Variants in ADAMTSL3 observed in about 807,000 individuals in gnomAD.
ADAMTSL3 encodes the protein ADAMTS-like protein 3.
A neutral mutation model predicts 201.7 loss-of-function variants in ADAMTSL3; 128 were observed. The observed-to-expected ratio is 0.63, with a 90% CI of 0.55 to 0.73. The LOEUF is 0.73. Ranked by LOEUF, ADAMTSL3 falls within the 30% of genes least tolerant of loss-of-function variation. ADAMTSL3 has a pLI of 0.00. For missense variants in ADAMTSL3, 1,990 were observed against 2,119.6 expected, an observed-to-expected ratio of 0.94 and a Z score of 1.20; for synonymous variants, 738 against 748.4, an observed-to-expected ratio of 0.99 and a Z score of 0.23.
At chr15:83,908,230 C>A (rs1456889003) in intron 15 of ADAMTSL3, among the ~76,000 whole-genome samples, 1 of 152,208 alleles carries the variant, frequency 6.6e-6, no homozygotes, top group Non-Finnish European at 1.5e-5. Flanking sequence ...ATAATGCTAG[C>A]AGCTGTTGTA....
chr15:84,029,830 T>C (rs775665236), intron 27 of ADAMTSL3, among the ~76,000 whole-genome samples: 30 of 152,228 alleles, frequency 2.0e-4, no homozygotes, highest in Non-Finnish European at 3.8e-4. Flanking sequence ...AGGAACTTGC[T>C]GCTTTGTGCA....
At chr15:83,778,738 T>G (rs2063119950) in intron 4 of ADAMTSL3, among the ~76,000 whole-genome samples, 1 of 152,162 alleles carries the variant, frequency 6.6e-6, no homozygotes, top group Non-Finnish European at 1.5e-5. Flanking sequence ...GCTAACATCA[T>G]AATGACAGGA....
At position 83,983,249 on chromosome 15, in the gene ADAMTSL3, G is replaced by T; in HGVS notation, c.3621G>T (p.Arg1207Ser). ...GAAATACAGTATACATTACAAAAAGGACAGAGGTCATCAATATACTGTGTG... is the reference window on the plus strand; with the variant it reads ...GAAATACAGTATACATTACAAAAAGTACAGAGGTCATCAATATACTGTGTG... ...RIGNTVYITK[R>S]TEVINILCDL... Residue 1207 changes from arginine (R) to serine (S), a missense_variant, in exon 21 of 30, where the codon AGG becomes AGT. Coordinates refer to ENST00000286744, the MANE Select transcript of ADAMTSL3 (RefSeq NM_207517.3). 1.2e-6 allele frequency: 2 copies of T among 1,613,638 alleles called. No homozygotes were observed. Among genetic ancestry groups the T allele is most frequent in the Admixed American group, 1.7e-5 (1 of 59,958 alleles).
At chr15:83,792,250 C>G (rs2063355974) in intron 4 of ADAMTSL3, among the ~76,000 whole-genome samples, 1 of 152,060 alleles carries the variant, frequency 6.6e-6, no homozygotes, top group Admixed American at 6.6e-5. Flanking sequence ...ACATGGAAGA[C>G]AGTATTTAAG....
intron 20 of ADAMTSL3, among the ~76,000 whole-genome samples, chr15:83,971,809 G>A (rs1331253798): frequency 6.7e-6 from 1 of 149,602 alleles, no homozygotes; most frequent in South Asian, 2.1e-4. Context: ...CCTCCTGAAC[G>A]TTTGGTAAGG....
intron 7 of ADAMTSL3, among the ~76,000 whole-genome samples, chr15:83,839,171 C>T (rs935202123): frequency 6.6e-5 from 10 of 152,108 alleles, no homozygotes; most frequent in East Asian, 3.8e-4. Flanking sequence ...AGGTGAGTTC[C>T]GCCAAAGATT....
chr15:83,871,111 A>C, intron 9 of ADAMTSL3, 152 bp downstream of exon 9: 2 of 940,724 alleles, frequency 2.1e-6, no homozygotes, highest in Non-Finnish European at 3.0e-6. Flanking sequence ...GTCCATTCTT[A>C]AAAATTGTTC....
rs1473130597 is a variant in ADAMTSL3, at chr15:83,968,537, A to C, written c.2491-1947A>C. ...ACAGATGCTGGAGAGGATATGGAGA[A>C]ATAGGAATGCTTTTACACTGTTGGT... On this transcript the variant is annotated intron_variant, in intron 19 of 29. Transcript: ENST00000286744. Among the ~76,000 whole-genome samples the C allele has an allele frequency of 2.0e-5, 3 of 152,360 alleles. No homozygotes were observed. In the East Asian group the frequency reaches 5.8e-4, roughly 29 times the overall value.
At chr15:83,827,660 C>G (rs1260675683) in intron 6 of ADAMTSL3, among the ~76,000 whole-genome samples, 1 of 152,176 alleles carries the variant, frequency 6.6e-6, no homozygotes, top group Admixed American at 6.5e-5. Context: ...ACATTTAAGT[C>G]TTTAATCCAT....
In ADAMTSL3 at chr15:83,788,257, C is replaced by A. The variant is rs531958726; in HGVS notation, c.317+14607C>A. On this transcript the variant is annotated intron_variant, in intron 4 of 29. Coordinates refer to ENST00000286744, the MANE Select transcript of ADAMTSL3 (RefSeq NM_207517.3). The stretch of plus-strand genomic sequence containing the variant: ...TTTTAGACCCTTCTTCTGGAGAATT[C>A]TTAACCTTTAGCTGAGCTACTTGCT... Among the ~76,000 whole-genome samples the A allele has an allele frequency of 9.9e-5, 15 of 152,252 alleles. 2 individuals are homozygous for A. In the South Asian group the frequency reaches 2.9e-3, roughly 29 times the overall value.
intron 19 of ADAMTSL3, among the ~76,000 whole-genome samples, chr15:83,956,959 C>T (rs542429847): frequency 6.6e-6 from 1 of 152,228 alleles, no homozygotes; most frequent in East Asian, 1.9e-4. Flanking sequence ...GAATAGTTTT[C>T]AGTGAGCTCA....
At chr15:83,981,693 T>C (rs983309425) in intron 20 of ADAMTSL3, among the ~76,000 whole-genome samples, 39 of 152,246 alleles carry the variant, frequency 2.6e-4, no homozygotes, top group Non-Finnish European at 1.8e-4. Context: ...CATGCCAATT[T>C]AATCGACATA....
In ADAMTSL3 at chr15:83,937,288, A is replaced by T. The variant is rs1037567312; in HGVS notation, c.2118-5308A>T. Among the ~76,000 whole-genome samples, 23 of 151,042 alleles carry T rather than the reference A, an allele frequency of 1.5e-4. 2 individuals carry two copies. Among genetic ancestry groups the T allele is most frequent in the African/African-American group, 5.7e-4 (23 of 40,340 alleles). ...TACGCATCAACAGTAGACTGGATTT[A>T]AAAAAATGTACATATACACCATGGA... On this transcript the variant is annotated intron_variant, in intron 17 of 29. Transcript: ENST00000286744.
intron 23 of ADAMTSL3, among the ~76,000 whole-genome samples, chr15:83,997,110 A>G (rs2141849832): frequency 6.6e-6 from 1 of 152,300 alleles, no homozygotes; most frequent in South Asian, 2.1e-4. Context: ...CAGACATTTC[A>G]CTTGTGGATA....
intron 2 of ADAMTSL3, among the ~76,000 whole-genome samples, chr15:83,669,302 C>G (rs561352386): frequency 4.9e-4 from 74 of 152,094 alleles, no homozygotes; most frequent in African/African-American, 1.7e-3. Flanking sequence ...TGCACCACCA[C>G]GCGCGGCTAA....
chr15:83,995,118 C>T (rs541813960), intron 23 of ADAMTSL3, among the ~76,000 whole-genome samples: 28 of 152,176 alleles, frequency 1.8e-4, no homozygotes, highest in African/African-American at 6.7e-4. Context: ...CAGTCACTGG[C>T]TGTGGGCCTC....
intron 20 of ADAMTSL3, among the ~76,000 whole-genome samples, chr15:83,975,297 T>C (rs1287736336): frequency 6.6e-6 from 1 of 151,416 alleles, no homozygotes; most frequent in Admixed American, 6.6e-5. Context: ...CCACTGCACC[T>C]GGCCAGCCTG....
intron 23 of ADAMTSL3, among the ~76,000 whole-genome samples, chr15:83,998,037 AAAAC>A (rs2067720147): frequency 6.6e-6 from 1 of 152,176 alleles, no homozygotes; most frequent in Non-Finnish European, 1.5e-5. Context: ...AGAAAAAAAA[AAAAC>A]AAAAAAACTC....
chr15:83,761,791 G>A (rs930916210), intron 3 of ADAMTSL3, among the ~76,000 whole-genome samples: 1 of 152,116 alleles, frequency 6.6e-6, no homozygotes, highest in Admixed American at 6.5e-5. Flanking sequence ...ATGAAACAAA[G>A]CTGTCATTGT....
Sources: allele counts gnomAD v4.1 joint callset (sites outside exome capture counted in the v4.1 genomes callset), GRCh38; gene constraint gnomAD v4.1.1; transcripts MANE v1.5; gene names NCBI Gene and HGNC (gene_info 2026-07-23, HGNC 2026-07-21).